IP6K3: variants seen among roughly 807,000 people sequenced by gnomAD.
IP6K3 encodes the protein ATP:1D-myo-inositol-hexakisphosphate phosphotransferase.
Under a neutral mutation model 28.8 loss-of-function variants are expected in IP6K3, and 20 were observed. The observed-to-expected ratio is 0.70, with a 90% confidence interval of 0.49 to 1.01. The LOEUF (loss-of-function observed/expected upper bound fraction) is 1.01, where lower values mean the gene tolerates loss of function less well. Ranked by LOEUF, IP6K3 falls within the 50% of genes least tolerant of loss-of-function variation. The pLI, the probability that IP6K3 is intolerant of heterozygous loss-of-function variation, is 0.00. For synonymous variants in IP6K3, 213 were observed against 221.3 expected (o/e 0.96, Z 0.33); for missense variants, 480 against 537.1 (o/e 0.89, Z 1.05).
chr6:33,756,374 G>A, the IP6K3 span, among the ~76,000 whole-genome samples: 1 of 151,692 alleles, frequency 6.6e-6, no homozygotes, highest in Admixed American at 6.6e-5. Context: ...AGGAAGAGGC[G>A]CTGCAAGTGC....
At chr6:33,753,384 G>C in the IP6K3 span, among the ~76,000 whole-genome samples, 1 of 152,222 alleles carries the variant, frequency 6.6e-6, no homozygotes, top group South Asian at 2.1e-4. Flanking sequence ...TGCTGTGGGA[G>C]CAGAGGGTAG....
the IP6K3 span, among the ~76,000 whole-genome samples, chr6:33,757,324 G>A: frequency 6.6e-6 from 1 of 152,326 alleles, no homozygotes; most frequent in South Asian, 2.1e-4. Flanking sequence ...TCTCCTCCAG[G>A]GAGCCCTCCC....
rs1766778000 is a variant in IP6K3 at position 33,742,930 on chromosome 6, G to A, written c.-180+3828C>T. On this transcript the variant is annotated intron_variant, in intron 1 of 5. Transcript: ENST00000293756. This position sits in a 1 kb window ranked among gnomAD's most constrained non-coding sequence, Gnocchi z 4.5. ...GAGCTTGGGGAGGGCCTGCTTTGGG[G>A]AGTGTGTGTACAGGGAGCAATAGGG... is the stretch of plus-strand genomic sequence containing the variant. Among the ~76,000 whole-genome samples the A allele has an allele frequency of 6.6e-6, 1 of 152,130 alleles. No homozygotes were observed. Among genetic ancestry groups the A allele is most frequent in the Admixed American group, 6.5e-5 (1 of 15,280 alleles).
chr6:33,742,760 T>G lies in IP6K3; in HGVS notation c.-180+3998A>C, dbSNP rs375080135. On this transcript the variant is annotated intron_variant, in intron 1 of 5. Coordinates refer to ENST00000293756, the MANE Select transcript of IP6K3 (RefSeq NM_054111.5). This position sits in a 1 kb window ranked among gnomAD's most constrained non-coding sequence, Gnocchi z 4.5. The stretch of plus-strand genomic sequence containing the variant: ...TCCTAAAAGTATAATGAGTATTGCA[T>G]AGGGACTGGTAGGGAAAAAACTGTG... Among the ~76,000 whole-genome samples the G allele has an allele frequency of 6.6e-6, 1 of 152,166 alleles. No individual in the cohort carries two copies. Among genetic ancestry groups the G allele is most frequent in the South Asian group, 2.1e-4 (1 of 4,828 alleles).
chr6:33,745,662 A>G (rs1766881455), intron 1 of IP6K3, among the ~76,000 whole-genome samples: 1 of 152,104 alleles, frequency 6.6e-6, no homozygotes, highest in Admixed American at 6.5e-5. Flanking sequence ...TTTTCTAACA[A>G]AACATTAACA....
the IP6K3 span, among the ~76,000 whole-genome samples, chr6:33,758,189 G>A: frequency 6.6e-6 from 1 of 152,144 alleles, no homozygotes; most frequent in Non-Finnish European, 1.5e-5. Flanking sequence ...TCTGGTCAGA[G>A]AGTTTGGGGA....
rs1765942787 is a variant in IP6K3, at chr6:33,722,635, AAGGGG to A, written c.*80_*84del. The A allele has an allele frequency of 1.2e-6, 1 of 855,914 alleles. No individual in the cohort carries two copies. Among genetic ancestry groups the A allele is most frequent in the Non-Finnish European group, 1.9e-6 (1 of 528,374 alleles). 53.0% of individuals were successfully genotyped at this position (855,914 alleles called of 1,614,324 possible). On this transcript the variant is annotated 3_prime_UTR_variant, in exon 6 of 6. Coordinates refer to ENST00000293756, the MANE Select transcript of IP6K3 (RefSeq NM_054111.5). ...AGATAGGACTATTATGAAGACATCT[AAGGGG>A]TGTCTGGACTACCCTAGCAACCAAC...
intron 2 of IP6K3, among the ~76,000 whole-genome samples, chr6:33,728,607 C>T (rs146268135): frequency 1.3e-5 from 2 of 152,192 alleles, no homozygotes; most frequent in Non-Finnish European, 2.9e-5. Context: ...TTTGTCCTTG[C>T]GTTCCAGTTC....
chr6:33,748,919 C>T (rs1766983349), upstream of IP6K3, among the ~76,000 whole-genome samples: 1 of 152,116 alleles, frequency 6.6e-6, no homozygotes, highest in Non-Finnish European at 1.5e-5. Flanking sequence ...TGACTGATCA[C>T]ATTTCACCAG....
chr6:33,749,414 TTC>T, upstream of IP6K3, among the ~76,000 whole-genome samples: 1 of 152,042 alleles, frequency 6.6e-6, no homozygotes, highest in East Asian at 1.9e-4. Context: ...GGCACTTTAT[TTC>T]TGTTTTCCAA....
Position 33,722,244 on chromosome 6 carries a change from G to A in IP6K3, c.*476C>T, listed in dbSNP as rs1046383886. On this transcript the variant is annotated 3_prime_UTR_variant, in exon 6 of 6. Transcript: ENST00000293756. ...TAAAACTCCGCTTAGGAAGATAAGA[G>A]GCATTCATGAGCTCTGCCTGCCCTT... is the stretch of plus-strand genomic sequence containing the variant. The A allele has an allele frequency of 3.8e-5, 6 of 156,712 alleles. No homozygotes were observed. Among genetic ancestry groups the A allele is most frequent in the Admixed American group, 1.2e-4 (2 of 16,590 alleles). 9.7% of individuals were successfully genotyped at this position (156,712 alleles called of 1,614,324 possible). A position where few individuals can be genotyped will look rare whatever the true frequency, so the allele number is the denominator to read the frequency against.
rs1333062062 is a variant in IP6K3, at chr6:33,722,572, A to AAT, written c.*146_*147dup. 8.4e-6 allele frequency: 5 copies of AAT among 594,766 alleles called. No homozygotes were observed. The East Asian group carries it at 1.4e-4, about 17-fold the overall frequency. The allele number at this position is 594,766 out of a possible 1,614,324, so 36.8% of individuals were successfully genotyped here. On this transcript the variant is annotated 3_prime_UTR_variant, in exon 6 of 6. Transcript: ENST00000293756. ...AGAGCTGATTTGTTCAGCAGCTGTT[A>AAT]ATATAGTCTGCCATATATAGAGATG... is the stretch of plus-strand genomic sequence containing the variant.
In IP6K3 at chr6:33,742,261, T is replaced by C. The variant is rs568901; in HGVS notation, c.-180+4497A>G. On this transcript the variant is annotated intron_variant, in intron 1 of 5. Transcript: ENST00000293756. This position sits in a 1 kb window ranked among gnomAD's most constrained non-coding sequence, Gnocchi z 4.5. ...ACGCCCATTCTGACCACGTGCAGTCTGCTTGGACGGGGAGTGGCTGCTGAG... is the reference window on the plus strand; with the variant it reads ...ACGCCCATTCTGACCACGTGCAGTCCGCTTGGACGGGGAGTGGCTGCTGAG... Among the ~76,000 whole-genome samples, 45,208 of 152,062 alleles carry C rather than the reference T, an allele frequency of 0.3. 7,614 individuals are homozygous for C. The highest frequency in any genetic ancestry group is 0.45 in the African/African-American group (18,613 of 41,462).
At chr6:33,756,144 G>A in the IP6K3 span, among the ~76,000 whole-genome samples, 1 of 152,180 alleles carries the variant, frequency 6.6e-6, no homozygotes, top group South Asian at 2.1e-4. Flanking sequence ...GATTACAGGC[G>A]TGAGCCACCA....
chr6:33,734,379 C>G (rs181318721), intron 2 of IP6K3, among the ~76,000 whole-genome samples: 5 of 152,266 alleles, frequency 3.3e-5, no homozygotes, highest in Admixed American at 3.3e-4. Flanking sequence ...ACACCAGGCC[C>G]CATCCTTCCC....
rs574338627 is a variant in IP6K3 at position 33,744,542 on chromosome 6, G to A, written c.-180+2216C>T. ...CGTGTGTGGGAGTGTGTGGCTGAGG[G>A]AGAATGCAGGCAAGGTTTTTCCCCA... On this transcript the variant is annotated intron_variant, in intron 1 of 5. Transcript: ENST00000293756. The surrounding 1 kb of genome is among the most constrained non-coding windows in gnomAD (Gnocchi z 4.4). 1.5e-4 allele frequency among the ~76,000 whole-genome samples: 23 copies of A among 152,246 alleles called. No homozygotes were observed. Among genetic ancestry groups the A allele is most frequent in the Admixed American group, 1.5e-3 (23 of 15,294 alleles).
At position 33,735,350 on chromosome 6, in the gene IP6K3, G is replaced by A; in HGVS notation, c.127C>T (p.Leu43Phe). 2 of 1,607,250 alleles carry A rather than the reference G, an allele frequency of 1.2e-6. No homozygotes were observed. The highest frequency in any genetic ancestry group is 1.1e-5 in the South Asian group (1 of 90,252). ...TAGAACCTCTGCTCCCGGGAGACGA[G>A]GGGCTTGCACACCGTATGCTCGTCA... Reference protein sequence around the residue: ...KYDEHTVCKPLVSREQRFYES... With the variant: ...KYDEHTVCKPFVSREQRFYES... The change falls in exon 2 of 6, where the codon CTC becomes TTC. Residue 43 changes from leucine (L) to phenylalanine (F), a missense_variant. By Grantham distance (22) the Leu-to-Phe change is conservative. Transcript: ENST00000293756.
chr6:33,741,359 T>G (rs1026695333), intron 1 of IP6K3, among the ~76,000 whole-genome samples: 1 of 152,164 alleles, frequency 6.6e-6, no homozygotes, highest in Non-Finnish European at 1.5e-5. Flanking sequence ...CAACTTCACT[T>G]TGCCTGGCGT....
intron 1 of IP6K3, among the ~76,000 whole-genome samples, chr6:33,741,295 C>T (rs1206194162): frequency 1.3e-5 from 2 of 152,286 alleles, no homozygotes; most frequent in Non-Finnish European, 1.5e-5. Context: ...GTCCATCCTG[C>T]CTGATGCACT....
Sources: allele counts gnomAD v4.1 joint callset (sites outside exome capture counted in the v4.1 genomes callset), GRCh38; gene constraint gnomAD v4.1.1; non-coding constraint Gnocchi (gnomAD v3.1); transcripts MANE v1.5; gene names NCBI Gene and HGNC (gene_info 2026-07-23, HGNC 2026-07-21).